The following SLCO2A1 variants were observed in gnomAD, a reference collection of about 807,000 sequenced individuals.
SLCO2A1 encodes the protein solute carrier organic anion transporter family member 2A1, also known as matrin F/G 1.
In SLCO2A1, 60 loss-of-function variants were observed where a neutral mutation model predicts 71.7. The ratio of observed to expected loss-of-function variants is 0.84; its 90% CI spans 0.68 to 1.04. SLCO2A1 has a LOEUF of 1.04. SLCO2A1 is among the 50% of genes least tolerant of loss of function. SLCO2A1 has a pLI of 0.00. For synonymous variants in SLCO2A1, 308 were observed against 326.7 expected (o/e 0.94, Z 0.62); for missense variants, 745 against 813.4 (o/e 0.92, Z 1.02).
intron 12 of SLCO2A1, among the ~76,000 whole-genome samples, chr3:133,938,201 T>G (rs971275894): frequency 6.6e-6 from 1 of 152,220 alleles, no homozygotes; most frequent in South Asian, 2.1e-4. Flanking sequence ...TTTTCATTTT[T>G]CTTACATAAC....
Position 133,951,149 on chromosome 3 carries a change from A to T in SLCO2A1, c.861+59T>A, listed in dbSNP as rs192598851. On this transcript the variant is annotated intron_variant, in intron 6 of 13. Coordinates refer to ENST00000310926, the MANE Select transcript of SLCO2A1 (RefSeq NM_005630.3). ...AGCTTTTTAGCTCTATTTATTTTCT[A>T]CCCCCACATCCCTTTCTTCAACTCC... 179 of 1,605,966 alleles carry T rather than the reference A, an allele frequency of 1.1e-4. No homozygotes were observed. The East Asian group carries it at 3.1e-3, about 28-fold the overall frequency.
intron 1 of SLCO2A1, among the ~76,000 whole-genome samples, chr3:134,001,259 C>T (rs990952971): frequency 2.6e-5 from 4 of 152,128 alleles, no homozygotes; most frequent in Non-Finnish European, 4.4e-5. Flanking sequence ...TACAGACCCA[C>T]GCCACCGTGC....
intron 3 of SLCO2A1, among the ~76,000 whole-genome samples, chr3:133,960,547 G>A (rs531117922): frequency 2.0e-3 from 298 of 152,298 alleles, no homozygotes; most frequent in African/African-American, 6.6e-3. Context: ...CAGGGACTGG[G>A]GGAGATGGGA....
At chr3:133,979,442 G>A (rs1306719497) in intron 2 of SLCO2A1, 39 bp downstream of exon 2, 2 of 1,613,186 alleles carry the variant, frequency 1.2e-6, no homozygotes, top group Non-Finnish European at 8.5e-7. Context: ...TCAGCGTGGT[G>A]CACAAGTGGA....
intron 1 of SLCO2A1, among the ~76,000 whole-genome samples, chr3:133,996,666 G>A (rs572031840): frequency 1.3e-5 from 2 of 152,300 alleles, no homozygotes; most frequent in African/African-American, 4.8e-5. Context: ...CCTGCCGAGA[G>A]ATCTGGGATT....
At chr3:133,976,809 C>T (rs1934468276) in intron 2 of SLCO2A1, among the ~76,000 whole-genome samples, 1 of 152,182 alleles carries the variant, frequency 6.6e-6, no homozygotes, top group African/African-American at 2.4e-5. Flanking sequence ...CAGGCAGCCT[C>T]TAGGGCTCAG....
chr3:133,969,074 T>G (rs1292436528), intron 3 of SLCO2A1, among the ~76,000 whole-genome samples: 2 of 152,146 alleles, frequency 1.3e-5, no homozygotes, highest in Admixed American at 1.3e-4. Context: ...GAATCAGTAA[T>G]CAACACAAGT....
intron 3 of SLCO2A1, among the ~76,000 whole-genome samples, chr3:133,956,837 C>T (rs1933910373): frequency 1.3e-5 from 2 of 152,156 alleles, no homozygotes; most frequent in African/African-American, 4.8e-5. Flanking sequence ...TTGTGGACTA[C>T]TTGAATATGC....
rs1576423557 is a variant in SLCO2A1 at position 133,935,647 on chromosome 3, G to A, written c.1814+127C>T. 5.4e-6 allele frequency: 6 copies of A among 1,110,434 alleles called. No homozygotes were observed. The East Asian group carries it at 1.6e-4, about 30-fold the overall frequency. 68.8% of individuals were successfully genotyped at this position (1,110,434 alleles called of 1,614,324 possible). On this transcript the variant is annotated intron_variant, in intron 13 of 13. Coordinates refer to ENST00000310926, the MANE Select transcript of SLCO2A1 (RefSeq NM_005630.3). Reference sequence around the variant, plus strand: ...GCTCCCTGTCCATGGCAGGGCCGCAGAGGTGGCCCTTCATGTTCTCTTCCT... The same window carrying A: ...GCTCCCTGTCCATGGCAGGGCCGCAAAGGTGGCCCTTCATGTTCTCTTCCT...
intron 13 of SLCO2A1, 33 bp downstream of exon 13, chr3:133,935,741 G>T: frequency 6.5e-7 from 1 of 1,542,018 alleles, no homozygotes; most frequent in South Asian, 1.3e-5. Context: ...CCAGGGCCTG[G>T]CTCTGGGACA....
At position 133,945,139 on chromosome 3, in the gene SLCO2A1, C is replaced by T. The variant is rs574080271; in HGVS notation, c.1417G>A (p.Gly473Ser). Residue 473 changes from glycine to serine, a missense_variant, in exon 10 of 14, where the codon GGC becomes AGC. Gly to Ser is a moderately conservative substitution (Grantham distance 56, BLOSUM62 0). Transcript: ENST00000310926. ...GIEYLSPCHA[G>S]CSNINMSSAT... is the part of the protein sequence containing the mutation. ...GAGCTCATGTTGATGTTGCTGCAGC[C>T]GGCATGGCAAGGGGAGAGGTACTCG... 3.6e-5 allele frequency: 58 copies of T among 1,613,936 alleles called. 1 individual carries two copies. Among genetic ancestry groups the T allele is most frequent in the African/African-American group, 2.5e-4 (19 of 75,020 alleles).
chr3:134,012,824 C>T (rs1935369662), intron 1 of SLCO2A1, among the ~76,000 whole-genome samples: 1 of 152,184 alleles, frequency 6.6e-6, no homozygotes, highest in South Asian at 2.1e-4. Flanking sequence ...CTCTTGGACA[C>T]CATCCCTGAC....
intron 3 of SLCO2A1, among the ~76,000 whole-genome samples, chr3:133,971,904 C>T (rs1180907748): frequency 6.6e-6 from 1 of 152,056 alleles, no homozygotes; most frequent in Admixed American, 6.5e-5. Flanking sequence ...AATGCCAAAC[C>T]ACTCTGTAGG....
chr3:133,951,204 T>C lies in SLCO2A1; in HGVS notation c.861+4A>G. On this transcript the variant is annotated splice_donor_region_variant and intron_variant, in intron 6 of 13. Coordinates refer to ENST00000310926, the MANE Select transcript of SLCO2A1 (RefSeq NM_005630.3). Reference sequence around the variant, plus strand: ...GGTAGAGTCATGGGCTCTTGGAACCTTACCTTTGCTCCTATGGGCATTGCT... The same window carrying C: ...GGTAGAGTCATGGGCTCTTGGAACCCTACCTTTGCTCCTATGGGCATTGCT... 6.2e-7 allele frequency: 1 copy of C among 1,614,046 alleles called. No homozygotes were observed. The highest frequency in any genetic ancestry group is 8.5e-7 in the Non-Finnish European group (1 of 1,180,000).
At chr3:134,027,528 C>T (rs1935722484) in intron 1 of SLCO2A1, among the ~76,000 whole-genome samples, 2 of 152,204 alleles carry the variant, frequency 1.3e-5, no homozygotes, top group Admixed American at 6.5e-5. Context: ...AGGAATTGCT[C>T]ACTCGGGGAG....
At chr3:133,974,914 G>A (rs916326611) in intron 2 of SLCO2A1, among the ~76,000 whole-genome samples, 2 of 152,202 alleles carry the variant, frequency 1.3e-5, no homozygotes, top group Non-Finnish European at 2.9e-5. Context: ...TCAGAACATG[G>A]CTGTCACTAA....
intron 1 of SLCO2A1, among the ~76,000 whole-genome samples, chr3:134,017,185 G>A (rs1328700630): frequency 2.6e-5 from 4 of 152,208 alleles, no homozygotes; most frequent in Admixed American, 2.0e-4. Flanking sequence ...ACACACACTT[G>A]ATAGCAATGT....
At chr3:133,942,337 A>G in intron 11 of SLCO2A1, 2 of 340,586 alleles carry the variant, frequency 5.9e-6, no homozygotes, top group Non-Finnish European at 1.1e-5. Flanking sequence ...GGAGGCGCCA[A>G]CAGGGCCTGT....
At chr3:133,945,614 C>T (rs1191536067) in intron 9 of SLCO2A1, among the ~76,000 whole-genome samples, 1 of 152,160 alleles carries the variant, frequency 6.6e-6, no homozygotes, top group Non-Finnish European at 1.5e-5. Flanking sequence ...CGCCTTCCCT[C>T]TTCTTCAGCC....
Sources: gnomAD v4.1 joint callset for allele counts (sites outside exome capture counted in the v4.1 genomes callset) on GRCh38, gnomAD v4.1.1 for gene constraint, MANE v1.5 for transcripts, NCBI Gene and HGNC (gene_info 2026-07-23, HGNC 2026-07-21) for gene names.